ALX4: variants seen among roughly 807,000 people sequenced by gnomAD.
ALX4 encodes the protein homeobox protein aristaless-like 4.
In ALX4, 22 loss-of-function variants were observed where a neutral mutation model predicts 40.6. That is an observed-to-expected ratio of 0.54 (90% CI 0.39 to 0.77). The LOEUF is 0.77. Among genes scored for constraint, ALX4 ranks in the 30% least tolerant of loss-of-function variants. The pLI is 0.00. For synonymous variants in ALX4, 266 were observed against 240.5 expected, an observed-to-expected ratio of 1.11 and a Z score of -0.98; for missense variants, 556 against 564.8, an observed-to-expected ratio of 0.98 and a Z score of 0.16.
intron 1 of ALX4, among the ~76,000 whole-genome samples, chr11:44,280,444 G>GGC: frequency 6.6e-6 from 1 of 152,340 alleles, no homozygotes. Context: ...GCATAAGGCT[G>GGC]AGCAGCAACA....
At chr11:44,288,899 C>G (rs532627353) in intron 1 of ALX4, among the ~76,000 whole-genome samples, 1 of 152,222 alleles carries the variant, frequency 6.6e-6, no homozygotes, top group Non-Finnish European at 1.5e-5. Context: ...TTGTCCAGCC[C>G]TCAGCCCCCA....
chr11:44,309,196 C>CCGCAGCCCCGCAGCCT (rs1956489430), intron 1 of ALX4, among the ~76,000 whole-genome samples: 19 of 150,696 alleles, frequency 1.3e-4, no homozygotes, highest in Admixed American at 1.2e-3. Flanking sequence ...CCCCGCAGCC[C>CCGCAGCCCCGCAGCCT]CGCAGCCCCG....
rs920857978 is a variant in ALX4 at position 44,278,241 on chromosome 11, C to T, written c.467-2583G>A. The stretch of plus-strand genomic sequence containing the variant: ...GGAACTGAGAGTTGGTATGGACCAG[C>T]CTGAACTCCTAGTTTTAACTGGGGG... On this transcript the variant is annotated intron_variant, in intron 1 of 3. Transcript: ENST00000652299. Among the ~76,000 whole-genome samples, 4 of 151,686 alleles carry T rather than the reference C, an allele frequency of 2.6e-5. No individual in the cohort carries two copies. In the East Asian group the frequency reaches 7.7e-4, roughly 29 times the overall value.
chr11:44,299,238 A>C (rs1446130471), intron 1 of ALX4, among the ~76,000 whole-genome samples: 1 of 152,106 alleles, frequency 6.6e-6, no homozygotes, highest in Non-Finnish European at 1.5e-5. Context: ...GCTGTGCCCA[A>C]GGTCACAGAG....
chr11:44,292,115 C>A (rs2119854949), intron 1 of ALX4, among the ~76,000 whole-genome samples: 1 of 152,300 alleles, frequency 6.6e-6, no homozygotes, highest in African/African-American at 2.4e-5. Flanking sequence ...CCTCGCCTGG[C>A]CCAAATATAC....
Position 44,309,862 on chromosome 11 carries a change from G to A in ALX4, c.201C>T (p.Gly67=). ...FGDAKSRARY[G]AGQQDLATPL... is the part of the protein sequence containing the mutation. ...GTGTCGCCAGGTCCTGCTGCCCAGC[G>A]CCGTAACGGGCCCGGCTCTTGGCGT... Residue 67 remains glycine (G), a synonymous_variant, in exon 1 of 4, where the codon GGC becomes GGT. Transcript: ENST00000652299. 1 of 1,564,304 alleles carries A rather than the reference G, an allele frequency of 6.4e-7. No homozygotes were observed. Among genetic ancestry groups the A allele is most frequent in the Non-Finnish European group, 8.7e-7 (1 of 1,153,744 alleles).
chr11:44,277,677 C>T (rs994918038), intron 1 of ALX4, among the ~76,000 whole-genome samples: 1 of 152,222 alleles, frequency 6.6e-6, no homozygotes. Context: ...TCCTGGCTTT[C>T]TGTGCACACT....
At chr11:44,268,640 A>G (rs1956227037) in intron 2 of ALX4, among the ~76,000 whole-genome samples, 1 of 152,316 alleles carries the variant, frequency 6.6e-6, no homozygotes, top group African/African-American at 2.4e-5. Context: ...AACTTTCCCA[A>G]GGCTCAAGAG....
intron 1 of ALX4, among the ~76,000 whole-genome samples, chr11:44,301,117 G>A (rs957793493): frequency 6.6e-6 from 1 of 152,262 alleles, no homozygotes. Flanking sequence ...GCTTGGCATA[G>A]TGACAGGCAA....
Position 44,262,559 on chromosome 11 carries a change from G to A in ALX4, c.*2295C>T, listed in dbSNP as rs898770748. 1 of 152,214 alleles carries A rather than the reference G, an allele frequency of 6.6e-6. No homozygotes were observed. Among genetic ancestry groups the A allele is most frequent in the Admixed American group, 6.5e-5 (1 of 15,278 alleles). The allele number at this position is 152,214 out of a possible 1,614,324, so 9.4% of individuals were successfully genotyped here. A position where few individuals can be genotyped will look rare whatever the true frequency, so the allele number is the denominator to read the frequency against. ...GAGGAACTGAGTGCCGGGGGCCACT[G>A]CGGAAGAGCCCCCTTAAAGCTCTCA... On this transcript the variant is annotated 3_prime_UTR_variant, in exon 4 of 4. Transcript: ENST00000652299.
intron 1 of ALX4, among the ~76,000 whole-genome samples, chr11:44,294,855 TTTA>T (rs1956393917): frequency 6.6e-6 from 1 of 151,448 alleles, no homozygotes; most frequent in South Asian, 2.1e-4. Flanking sequence ...TATTTATTTA[TTTA>T]TTTATTTAGA....
chr11:44,306,653 C>A (rs1362701406), intron 1 of ALX4, among the ~76,000 whole-genome samples: 1 of 152,250 alleles, frequency 6.6e-6, no homozygotes, highest in African/African-American at 2.4e-5. Context: ...TCCCAATGCT[C>A]CTGGGAGCGT....
chr11:44,309,332 T>G (rs1268349564), intron 1 of ALX4, among the ~76,000 whole-genome samples: 1 of 152,168 alleles, frequency 6.6e-6, no homozygotes, highest in Non-Finnish European at 1.5e-5. Context: ...AGCGAGCGGT[T>G]TGGGGAAATG....
At chr11:44,268,072 T>C (rs1956223683) in intron 2 of ALX4, among the ~76,000 whole-genome samples, 1 of 152,178 alleles carries the variant, frequency 6.6e-6, no homozygotes, top group African/African-American at 2.4e-5. Flanking sequence ...CTAAGGCTTA[T>C]TGGTCCAGAT....
At chr11:44,302,726 C>T (rs1219824830) in intron 1 of ALX4, among the ~76,000 whole-genome samples, 2 of 152,188 alleles carry the variant, frequency 1.3e-5, no homozygotes, top group African/African-American at 4.8e-5. Context: ...CCACCATGGC[C>T]CTGTAGGACC....
intron 3 of ALX4, 26 bp from the exon 4 acceptor site, chr11:44,265,209 C>T (rs1179627510): frequency 1.3e-6 from 2 of 1,575,962 alleles, no homozygotes; most frequent in African/African-American, 1.3e-5. Context: ...AGAGATGTCA[C>T]CGGCTGGCGG....
At chr11:44,309,255 C>T (rs1956490531) in intron 1 of ALX4, among the ~76,000 whole-genome samples, 1 of 152,198 alleles carries the variant, frequency 6.6e-6, no homozygotes, top group African/African-American at 2.4e-5. Flanking sequence ...GCGGAGACTC[C>T]TTGCCGCCGC....
chr11:44,293,890 T>C (rs1177428203), intron 1 of ALX4, among the ~76,000 whole-genome samples: 1 of 152,154 alleles, frequency 6.6e-6, no homozygotes, highest in Non-Finnish European at 1.5e-5. Flanking sequence ...AGGATGGCTC[T>C]GGAGGGAGGA....
At chr11:44,304,868 C>T (rs921511621) in intron 1 of ALX4, among the ~76,000 whole-genome samples, 2 of 152,208 alleles carry the variant, frequency 1.3e-5, no homozygotes, top group Non-Finnish European at 2.9e-5. Context: ...GGCGTCGCAG[C>T]GCGTGCGGCT....
Sources: allele counts gnomAD v4.1 joint callset (sites outside exome capture counted in the v4.1 genomes callset), GRCh38; gene constraint gnomAD v4.1.1; transcripts MANE v1.5; gene names NCBI Gene and HGNC (gene_info 2026-07-23, HGNC 2026-07-21).